Variants in RAD51B observed in about 807,000 individuals in gnomAD.
The protein encoded by RAD51B is DNA repair protein RAD51 homolog 2.
Under a neutral mutation model 42.2 loss-of-function variants are expected in RAD51B, and 38 were observed. The observed-to-expected ratio is 0.90, with a 90% CI of 0.70 to 1.18. The LOEUF is 1.18. RAD51B is among the 50% of genes most tolerant of loss of function. The probability of loss-of-function intolerance (pLI) is 0.00; values close to 1 mark genes in which losing one functional copy is unlikely to be tolerated. For synonymous variants in RAD51B, 154 were observed against 145.2 expected, an observed-to-expected ratio of 1.06 and a Z score of -0.43; for missense variants, 373 against 400.7, an observed-to-expected ratio of 0.93 and a Z score of 0.59.
At chr14:67,881,803 T>C (rs1328300264) in intron 5 of RAD51B, among the ~76,000 whole-genome samples, 1 of 152,234 alleles carries the variant, frequency 6.6e-6, no homozygotes, top group Non-Finnish European at 1.5e-5. Context: ...AGTTAATCCT[T>C]TGTGGGCTAA....
At chr14:67,906,419 G>A (rs889272152) in intron 7 of RAD51B, among the ~76,000 whole-genome samples, 3 of 152,070 alleles carry the variant, frequency 2.0e-5, no homozygotes, top group Non-Finnish European at 4.4e-5. Flanking sequence ...CAGTGAGTTA[G>A]GAGGGAGTCC....
At chr14:68,546,999 G>T (rs146363422) in intron 10 of RAD51B, among the ~76,000 whole-genome samples, 2 of 152,298 alleles carry the variant, frequency 1.3e-5, no homozygotes, top group East Asian at 3.9e-4. Flanking sequence ...TGTGCTGAAT[G>T]GTCTGCCTAT....
chr14:68,260,896 T>C (rs2080874524), intron 7 of RAD51B, among the ~76,000 whole-genome samples: 1 of 152,218 alleles, frequency 6.6e-6, no homozygotes, highest in South Asian at 2.1e-4. Flanking sequence ...TATACTTAGA[T>C]AATAAGGTCT....
At chr14:68,216,290 G>C (rs78334608) in intron 7 of RAD51B, among the ~76,000 whole-genome samples, 2 of 152,146 alleles carry the variant, frequency 1.3e-5, no homozygotes, top group Non-Finnish European at 2.9e-5. Flanking sequence ...TGACTCATGC[G>C]TTGCGTTTGT....
chr14:68,665,775 G>A (rs539152603), intron 11 of RAD51B, among the ~76,000 whole-genome samples: 77 of 152,218 alleles, frequency 5.1e-4, no homozygotes, highest in African/African-American at 1.8e-3. Flanking sequence ...ATCAGCACCC[G>A]TCCACTCTCT....
chr14:68,576,254 AG>A (rs1889956700), intron 10 of RAD51B, among the ~76,000 whole-genome samples: 1 of 152,242 alleles, frequency 6.6e-6, no homozygotes, highest in Non-Finnish European at 1.5e-5. Context: ...TTCAGCTCCT[AG>A]CACTCAGCCC....
intron 7 of RAD51B, among the ~76,000 whole-genome samples, chr14:67,976,548 T>A (rs2074998885): frequency 6.6e-6 from 1 of 152,164 alleles, no homozygotes; most frequent in Non-Finnish European, 1.5e-5. Context: ...GCCATGTTGG[T>A]GTGCTGCACC....
At chr14:68,001,403 T>G (rs2075480275) in intron 7 of RAD51B, among the ~76,000 whole-genome samples, 1 of 152,160 alleles carries the variant, frequency 6.6e-6, no homozygotes, top group African/African-American at 2.4e-5. Context: ...TGGAAGCTTT[T>G]TTCTTAAGTG....
intron 8 of RAD51B, among the ~76,000 whole-genome samples, chr14:68,343,641 G>T (rs568783791): frequency 6.6e-6 from 1 of 152,256 alleles, no homozygotes; most frequent in Non-Finnish European, 1.5e-5. Context: ...AAAGATTAGC[G>T]TGACTAAAAG....
intron 10 of RAD51B, among the ~76,000 whole-genome samples, chr14:68,496,878 CCA>C (rs564896109): frequency 2.6e-5 from 4 of 152,226 alleles, no homozygotes; most frequent in Non-Finnish European, 5.9e-5. Context: ...CAGGGCATCT[CCA>C]TGTCCCCAGT....
rs765951995 is a variant in RAD51B, at chr14:67,823,535, T to C, written c.-2-7T>C. 1.2e-6 allele frequency: 2 copies of C among 1,612,720 alleles called. No individual in the cohort carries two copies. Among genetic ancestry groups the C allele is most frequent in the Non-Finnish European group, 8.5e-7 (1 of 1,179,226 alleles). ...CATGGTTCTTCTTTTCTTTGCTGGA[T>C]CTGGAGGCATGGGTAGCAAGAAACT... On this transcript the variant is annotated splice_polypyrimidine_tract_variant and splice_region_variant and intron_variant, in intron 1 of 10. Transcript: ENST00000471583.
chr14:68,361,054 G>A (rs543422264), intron 8 of RAD51B, among the ~76,000 whole-genome samples: 152 of 152,300 alleles, frequency 1.0e-3, no homozygotes, highest in African/African-American at 3.5e-3. Context: ...GGGAGAGAGG[G>A]GTTCTAGATT....
At chr14:68,172,094 C>G (rs2078885482) in intron 7 of RAD51B, among the ~76,000 whole-genome samples, 1 of 152,226 alleles carries the variant, frequency 6.6e-6, no homozygotes, top group Non-Finnish European at 1.5e-5. Context: ...TGCATATCCA[C>G]CAGTCAATTT....
chr14:68,655,635 C>A (rs1310135468), intron 11 of RAD51B, among the ~76,000 whole-genome samples: 2 of 152,306 alleles, frequency 1.3e-5, no homozygotes, highest in South Asian at 2.1e-4. Context: ...CCAGTTACAG[C>A]CTCTGCACAG....
chr14:68,290,786 A>ATTTATT (rs2081500582), intron 7 of RAD51B, among the ~76,000 whole-genome samples: 1 of 125,396 alleles, frequency 8.0e-6, no homozygotes, highest in African/African-American at 2.7e-5. Flanking sequence ...ATTTTATTTT[A>ATTTATT]TTTATTTATT....
downstream of RAD51B, among the ~76,000 whole-genome samples, chr14:68,596,605 G>C (rs146784763): frequency 3.3e-4 from 51 of 152,280 alleles, no homozygotes; most frequent in South Asian, 1.0e-3. Flanking sequence ...ATGAGTGGAC[G>C]AAGGGAGTAA....
chr14:67,917,268 GGCTGT>G (rs1207152787), intron 7 of RAD51B, among the ~76,000 whole-genome samples: 2 of 152,216 alleles, frequency 1.3e-5, no homozygotes, highest in Admixed American at 1.3e-4. Flanking sequence ...TGATTCTGTA[GGCTGT>G]ACAGGAAGCA....
intron 7 of RAD51B, among the ~76,000 whole-genome samples, chr14:67,988,777 G>A (rs571012646): frequency 1.8e-4 from 27 of 152,216 alleles, no homozygotes; most frequent in South Asian, 8.3e-4. Context: ...CTTCTGTTTT[G>A]ACACATTGAA....
In RAD51B at chr14:68,280,099, C is replaced by G. The variant is rs35987918; in HGVS notation, c.757-11785C>G. Among the ~76,000 whole-genome samples, 270 of 152,274 alleles carry G rather than the reference C, an allele frequency of 1.8e-3. 1 individual carries two copies. The highest frequency in any genetic ancestry group is 6.2e-3 in the African/African-American group (257 of 41,550). On this transcript the variant is annotated intron_variant, in intron 7 of 10. Transcript: ENST00000471583. ...TTGGTGGCCAAGACAGAAATAGAAC[C>G]CAGGAGTCTGTGTCCTTTCCCTTGC...
Sources: allele counts gnomAD v4.1 joint callset (sites outside exome capture counted in the v4.1 genomes callset), GRCh38; gene constraint gnomAD v4.1.1; transcripts MANE v1.5; gene names NCBI Gene and HGNC (gene_info 2026-07-23, HGNC 2026-07-21).